CACNA2D2: variants seen among roughly 807,000 people sequenced by gnomAD.
CACNA2D2 encodes calcium voltage-gated channel auxiliary subunit alpha2delta 2.
A neutral mutation model predicts 166.4 loss-of-function variants in CACNA2D2; 48 were observed. That is an observed-to-expected ratio of 0.29 (90% CI 0.23 to 0.37). The LOEUF is 0.37. CACNA2D2 is among the 10% of genes least tolerant of loss of function. CACNA2D2 has a pLI of 1.00. For missense variants in CACNA2D2, 1,122 were observed against 1,433.0 expected, an observed-to-expected ratio of 0.78 and a Z score of 3.50; for synonymous variants, 561 against 573.7, an observed-to-expected ratio of 0.98 and a Z score of 0.32.
At chr3:50,426,414 G>C (rs1707809030) in intron 3 of CACNA2D2, among the ~76,000 whole-genome samples, 1 of 152,170 alleles carries the variant, frequency 6.6e-6, no homozygotes, top group Non-Finnish European at 1.5e-5. Flanking sequence ...CTTGCAGTGA[G>C]AGCTGGGCCT....
Position 50,366,072 on chromosome 3 carries a change from T to C in CACNA2D2, c.2801A>G (p.Gln934Arg), listed in dbSNP as rs191208192. 388 of 1,613,816 alleles carry C rather than the reference T, an allele frequency of 2.4e-4. No individual in the cohort carries two copies. Among genetic ancestry groups the C allele is most frequent in the Middle Eastern group, 9.9e-4 (6 of 6,044 alleles). Residue 934 changes from glutamine (Q) to arginine (R), a missense_variant, in exon 32 of 38, where the codon CAG (glutamine) becomes CGG (arginine). This residue lies in a region of CACNA2D2 where 840 missense variants were observed against 1,166.8 expected (regional missense o/e 0.72). Transcript: ENST00000424201. This position sits in a 1 kb window ranked among gnomAD's most constrained non-coding sequence, Gnocchi z 5.9. ...AGGGGGCTGAGGGGCACAGGCTGCC[T>C]GATAGTCATAGGACTCCTTGCGGGT... is the stretch of plus-strand genomic sequence containing the variant. ...FYTRKESYDYQAACAPQPPGN... is the reference protein window; with the variant it reads ...FYTRKESYDYRAACAPQPPGN...
intron 22 of CACNA2D2, chr3:50,373,012 T>G (rs1575593423): frequency 1.4e-5 from 19 of 1,400,914 alleles, no homozygotes; most frequent in African/African-American, 1.2e-4. Flanking sequence ...AGCAGGGGCG[T>G]GAGGATGGGA....
chr3:50,380,847 C>T lies in CACNA2D2; in HGVS notation c.785-42G>A. 1 of 1,536,296 alleles carries T rather than the reference C, an allele frequency of 6.5e-7. No individual in the cohort carries two copies. The highest frequency in any genetic ancestry group is 8.8e-7 in the Non-Finnish European group (1 of 1,140,328). Reference sequence around the variant, plus strand: ...GGTGAGGGGGACTGGCAGGAAAGGGCTGGCCTGGGTAGGCAGACCTTGCAG... The same window carrying T: ...GGTGAGGGGGACTGGCAGGAAAGGGTTGGCCTGGGTAGGCAGACCTTGCAG... On this transcript the variant is annotated intron_variant, in intron 7 of 37. Coordinates refer to ENST00000424201, the MANE Select transcript of CACNA2D2 (RefSeq NM_006030.4). The surrounding 1 kb of genome is among the most constrained non-coding windows in gnomAD (Gnocchi z 4.9).
At chr3:50,450,524 C>T (rs774991552) in intron 2 of CACNA2D2, among the ~76,000 whole-genome samples, 13 of 152,158 alleles carry the variant, frequency 8.5e-5, no homozygotes, top group Non-Finnish European at 1.3e-4. Flanking sequence ...ACCCTGCTCT[C>T]GCCCACCAGA....
At position 50,366,754 on chromosome 3, in the gene CACNA2D2, G is replaced by C. The variant is rs587754740; in HGVS notation, c.2589+77C>G. On this transcript the variant is annotated intron_variant, in intron 29 of 37. Coordinates refer to ENST00000424201, the MANE Select transcript of CACNA2D2 (RefSeq NM_006030.4). This position sits in a 1 kb window ranked among gnomAD's most constrained non-coding sequence, Gnocchi z 5.9. ...TCCATGTAGGTGTTGGAGCCACTGA[G>C]TGGAGGGTTGGTGGGGGTTCCAGGG... is the stretch of plus-strand genomic sequence containing the variant. 1 of 1,554,884 alleles carries C rather than the reference G, an allele frequency of 6.4e-7. No individual in the cohort carries two copies. Among genetic ancestry groups the C allele is most frequent in the East Asian group, 2.3e-5 (1 of 43,956 alleles).
At chr3:50,468,431 G>GTGTGTGTGTGTGTA (rs1553751787) in intron 2 of CACNA2D2, among the ~76,000 whole-genome samples, 8 of 147,608 alleles carry the variant, frequency 5.4e-5, no homozygotes, top group Admixed American at 6.8e-5. Flanking sequence ...GTGTGTGTGT[G>GTGTGTGTGTGTGTA]TGTGTGTGTG....
intron 3 of CACNA2D2, among the ~76,000 whole-genome samples, chr3:50,422,093 C>CCA (rs1707596356): frequency 1.3e-5 from 2 of 152,160 alleles, no homozygotes; most frequent in African/African-American, 4.8e-5. Flanking sequence ...GCACCAGGAG[C>CCA]TGTCACGGAC....
intron 3 of CACNA2D2, among the ~76,000 whole-genome samples, chr3:50,430,571 T>C (rs1242913771): frequency 6.6e-6 from 1 of 152,198 alleles, no homozygotes; most frequent in African/African-American, 2.4e-5. Flanking sequence ...CCTTCATCAC[T>C]GCACCCCCAG....
intron 3 of CACNA2D2, among the ~76,000 whole-genome samples, chr3:50,426,617 T>C (rs1707819260): frequency 6.6e-6 from 1 of 152,108 alleles, no homozygotes; most frequent in South Asian, 2.1e-4. Context: ...CTCAGGAGTG[T>C]TGCACACCAG....
intron 3 of CACNA2D2, among the ~76,000 whole-genome samples, chr3:50,409,868 A>ATCC (rs1706910759): frequency 6.6e-6 from 1 of 152,148 alleles, no homozygotes; most frequent in Non-Finnish European, 1.5e-5. Context: ...GGGCACGAGG[A>ATCC]GACCTGAGAG....
chr3:50,436,944 G>C (rs1323613398), intron 2 of CACNA2D2, among the ~76,000 whole-genome samples: 1 of 152,216 alleles, frequency 6.6e-6, no homozygotes, highest in Non-Finnish European at 1.5e-5. Context: ...GGTGATAATG[G>C]TGGAGCCTAG....
At chr3:50,433,569 T>A (rs1424128322) in intron 3 of CACNA2D2, among the ~76,000 whole-genome samples, 1 of 152,166 alleles carries the variant, frequency 6.6e-6, no homozygotes, top group Non-Finnish European at 1.5e-5. Context: ...CTGGAGCAAC[T>A]GCAGTTATGC....
intron 2 of CACNA2D2, among the ~76,000 whole-genome samples, chr3:50,461,131 G>A (rs1433075364): frequency 2.0e-5 from 3 of 152,182 alleles, no homozygotes; most frequent in Non-Finnish European, 2.9e-5. Context: ...GGTAAGAAAT[G>A]AAAAGCCGCA....
chr3:50,487,765 G>T (rs1237354353), intron 1 of CACNA2D2, among the ~76,000 whole-genome samples: 1 of 152,118 alleles, frequency 6.6e-6, no homozygotes, highest in East Asian at 1.9e-4. Context: ...GAACCAGCAG[G>T]TCAAATTACT....
At position 50,375,859 on chromosome 3, in the gene CACNA2D2, C is replaced by T. The variant is rs148970948; in HGVS notation, c.1795G>A (p.Gly599Ser). 59 of 1,613,048 alleles carry T rather than the reference C, an allele frequency of 3.7e-5. No homozygotes were observed. In the East Asian group the frequency reaches 5.8e-4, roughly 16 times the overall value. The change falls in exon 20 of 38, where the codon GGC (glycine) becomes AGC (serine). Residue 599 changes from glycine (G) to serine (S), a missense_variant. Physicochemically the swap from Gly to Ser is moderately conservative, Grantham distance 56. Around this residue, in one of 2 missense-constraint regions of CACNA2D2, gnomAD observed 840 missense variants for 1,166.8 expected, o/e 0.72. Coordinates refer to ENST00000424201, the MANE Select transcript of CACNA2D2 (RefSeq NM_006030.4). The surrounding 1 kb of genome is among the most constrained non-coding windows in gnomAD (Gnocchi z 4.0). ...CTGATCTGCTTGTGGCCCTTGTTGC[C>T]ATCAATCATGCTCCGACGGATCTGG... ...KEEIRRSMID[G>S]NKGHKQIRTL...
intron 2 of CACNA2D2, among the ~76,000 whole-genome samples, chr3:50,475,344 C>T (rs1314243847): frequency 6.6e-6 from 1 of 152,080 alleles, no homozygotes; most frequent in African/African-American, 2.4e-5. Context: ...AGTGGGAGAC[C>T]CCCATTTAAT....
At chr3:50,387,540 G>C in intron 5 of CACNA2D2, 28 bp downstream of exon 5, 1 of 1,604,410 alleles carries the variant, frequency 6.2e-7, no homozygotes, top group African/African-American at 1.3e-5. Context: ...GCCCAGCAAG[G>C]AGGTGTGGCT....
chr3:50,496,563 T>C (rs1476402503), intron 1 of CACNA2D2, among the ~76,000 whole-genome samples: 1 of 152,234 alleles, frequency 6.6e-6, no homozygotes, highest in Non-Finnish European at 1.5e-5. Context: ...GATGAGGGGA[T>C]AGTGGCTGGC....
chr3:50,491,279 G>A (rs1368515034), intron 1 of CACNA2D2, among the ~76,000 whole-genome samples: 3 of 152,236 alleles, frequency 2.0e-5, no homozygotes, highest in Admixed American at 2.0e-4. Flanking sequence ...TTTCTATGGA[G>A]GGTGCTGAGA....
Sources: gnomAD v4.1 joint callset for allele counts (sites outside exome capture counted in the v4.1 genomes callset) on GRCh38, gnomAD v4.1.1 for gene constraint, gnomAD v4.1.1 regional missense constraint, Gnocchi (gnomAD v3.1) non-coding constraint, MANE v1.5 for transcripts, NCBI Gene and HGNC (gene_info 2026-07-23, HGNC 2026-07-21) for gene names.